The following CWC27 variants were observed in gnomAD, a reference collection of about 807,000 sequenced individuals.
The protein encoded by CWC27 is spliceosome-associated protein CWC27 homolog.
A neutral mutation model predicts 63.6 loss-of-function variants in CWC27; 47 were observed. That is an observed-to-expected ratio of 0.74 (90% CI 0.58 to 0.94). CWC27 has a LOEUF of 0.94. CWC27 is among the 40% of genes least tolerant of loss of function. The pLI is 0.00. For synonymous variants in CWC27, 175 were observed against 179.8 expected (o/e 0.97, Z 0.22); for missense variants, 495 against 554.3 (o/e 0.89, Z 1.07).
At chr5:64,967,772 ATAAAT>A (rs1749046455) in intron 11 of CWC27, among the ~76,000 whole-genome samples, 1 of 152,032 alleles carries the variant, frequency 6.6e-6, no homozygotes, top group African/African-American at 2.4e-5. Context: ...TCAACTTGAA[ATAAAT>A]TATATATCTT....
At chr5:64,780,499 A>G (rs1481929047) in intron 2 of CWC27, among the ~76,000 whole-genome samples, 2 of 148,820 alleles carry the variant, frequency 1.3e-5, no homozygotes, top group Admixed American at 6.7e-5. Flanking sequence ...GATGTTTTGT[A>G]AAAGCAAATC....
At chr5:65,012,059 G>C (rs1009790131) in intron 13 of CWC27, among the ~76,000 whole-genome samples, 2 of 152,134 alleles carry the variant, frequency 1.3e-5, no homozygotes, top group African/African-American at 4.8e-5. Flanking sequence ...TTTCTCTTTT[G>C]AAATTTCTTT....
intron 11 of CWC27, among the ~76,000 whole-genome samples, chr5:64,953,759 A>C (rs981847986): frequency 3.7e-4 from 56 of 152,204 alleles, no homozygotes; most frequent in African/African-American, 1.2e-3. Flanking sequence ...TTATTTAACA[A>C]GTTGCCTTGA....
At chr5:64,889,125 G>C (rs1747158451) in intron 11 of CWC27, among the ~76,000 whole-genome samples, 1 of 152,090 alleles carries the variant, frequency 6.6e-6, no homozygotes, top group African/African-American at 2.4e-5. Context: ...TGAAAGACAA[G>C]GAATGATTGA....
At chr5:64,943,648 G>T (rs1320155815) in intron 11 of CWC27, among the ~76,000 whole-genome samples, 1 of 151,988 alleles carries the variant, frequency 6.6e-6, no homozygotes, top group African/African-American at 2.4e-5. Context: ...AAATACCTCT[G>T]CCCCATGAAC....
intron 11 of CWC27, among the ~76,000 whole-genome samples, chr5:64,924,372 A>C (rs1281745217): frequency 2.0e-5 from 3 of 152,246 alleles, no homozygotes; most frequent in Non-Finnish European, 4.4e-5. Context: ...AGATTCTTCT[A>C]AGCATGCATT....
chr5:64,959,286 A>T (rs1211615607), intron 11 of CWC27, among the ~76,000 whole-genome samples: 1 of 152,108 alleles, frequency 6.6e-6, no homozygotes, highest in African/African-American at 2.4e-5. Flanking sequence ...CAAAGTTAGT[A>T]AGGCTTTAGT....
intron 10 of CWC27, among the ~76,000 whole-genome samples, chr5:64,836,508 T>G (rs965042810): frequency 2.6e-5 from 4 of 152,126 alleles, no homozygotes; most frequent in African/African-American, 9.6e-5. Context: ...TTAATAATAC[T>G]ACTGTTTGCA....
intron 11 of CWC27, among the ~76,000 whole-genome samples, chr5:64,896,617 A>G (rs1339858529): frequency 1.3e-5 from 2 of 151,982 alleles, no homozygotes; most frequent in African/African-American, 2.4e-5. Context: ...TAGGGAAACT[A>G]CTAACAGGAT....
At chr5:65,004,374 T>C (rs995173222) in intron 13 of CWC27, among the ~76,000 whole-genome samples, 1 of 130,146 alleles carries the variant, frequency 7.7e-6, no homozygotes, top group Non-Finnish European at 1.6e-5. Flanking sequence ...ATATGTTGTA[T>C]AGGCTTTTTT....
rs74986867 is a variant in CWC27, at chr5:64,784,116, C to T, written c.396+137C>T. The T allele has an allele frequency of 8.3e-4, 639 of 772,954 alleles. 9 individuals are homozygous for T. The East Asian group carries it at 0.019, about 23-fold the overall frequency. 47.9% of individuals were successfully genotyped at this position (772,954 alleles called of 1,614,324 possible). A position where few individuals can be genotyped will look rare whatever the true frequency, so the allele number is the denominator to read the frequency against. On this transcript the variant is annotated intron_variant, in intron 4 of 13. Coordinates refer to ENST00000381070, the MANE Select transcript of CWC27 (RefSeq NM_005869.4). ...TTCCATAGGATATGTTTATTATTTT[C>T]AAAAATGATGGAATATATTCCTAAT...
At chr5:64,827,334 A>G (rs1441115381) in intron 10 of CWC27, among the ~76,000 whole-genome samples, 1 of 152,124 alleles carries the variant, frequency 6.6e-6, no homozygotes, top group East Asian at 1.9e-4. Context: ...TCGTACTGGA[A>G]TTTATCCCAT....
intron 11 of CWC27, among the ~76,000 whole-genome samples, chr5:64,906,875 A>G (rs537229823): frequency 1.3e-5 from 2 of 152,302 alleles, no homozygotes; most frequent in East Asian, 1.9e-4. Context: ...ATCCAGTTTC[A>G]GCTTTCTATA....
At chr5:64,919,266 A>G (rs1369582388) in intron 11 of CWC27, among the ~76,000 whole-genome samples, 1 of 152,220 alleles carries the variant, frequency 6.6e-6, no homozygotes, top group Non-Finnish European at 1.5e-5. Context: ...CTGGCCAGAG[A>G]AAAATTAGAA....
chr5:64,774,614 T>G, intron 1 of CWC27, 77 bp from the exon 2 acceptor site: 1 of 821,474 alleles, frequency 1.2e-6, no homozygotes, highest in Non-Finnish European at 1.8e-6. Context: ...CACTAGTGAT[T>G]GCTACAAGTC....
intron 11 of CWC27, among the ~76,000 whole-genome samples, chr5:64,960,126 T>A (rs1748880047): frequency 6.6e-6 from 1 of 152,142 alleles, no homozygotes; most frequent in African/African-American, 2.4e-5. Context: ...TTAGGGCCTT[T>A]TTTTGAAGGA....
chr5:64,867,012 G>T (rs546643319), intron 10 of CWC27, among the ~76,000 whole-genome samples: 1 of 152,126 alleles, frequency 6.6e-6, no homozygotes, highest in Non-Finnish European at 1.5e-5. Flanking sequence ...TCACACACCT[G>T]AGGATTATGG....
chr5:64,802,096 C>G (rs898344131), intron 9 of CWC27, among the ~76,000 whole-genome samples: 1 of 152,092 alleles, frequency 6.6e-6, no homozygotes, highest in African/African-American at 2.4e-5. Flanking sequence ...TAGGAGTTAG[C>G]TAAGTCAGAA....
intron 11 of CWC27, among the ~76,000 whole-genome samples, chr5:64,905,581 T>C (rs1461458550): frequency 6.6e-6 from 1 of 152,156 alleles, no homozygotes; most frequent in Non-Finnish European, 1.5e-5. Context: ...TTTGAATAAA[T>C]ATACAAATTT....
Sources: gnomAD v4.1 joint callset for allele counts (sites outside exome capture counted in the v4.1 genomes callset) on GRCh38, gnomAD v4.1.1 for gene constraint, MANE v1.5 for transcripts, NCBI Gene and HGNC (gene_info 2026-07-23, HGNC 2026-07-21) for gene names.